TENM2: variants seen among roughly 807,000 people sequenced by gnomAD.
The protein encoded by TENM2 is teneurin-2.
A neutral mutation model predicts 245.2 loss-of-function variants in TENM2; 52 were observed. The ratio of observed to expected loss-of-function variants is 0.21; its 90% CI spans 0.17 to 0.27. TENM2 has a LOEUF of 0.27. Ranked by LOEUF, TENM2 falls within the 10% of genes least tolerant of loss-of-function variation. The probability of loss-of-function intolerance (pLI) is 1.00; values close to 1 mark genes in which losing one functional copy is unlikely to be tolerated. For missense variants in TENM2, 3,046 were observed against 3,666.8 expected (o/e 0.83, Z 4.37); for synonymous variants, 1,363 against 1,438.9 (o/e 0.95, Z 1.19).
intron 2 of TENM2, among the ~76,000 whole-genome samples, chr5:167,545,931 A>G (rs1772535089): frequency 6.6e-6 from 1 of 152,238 alleles, no homozygotes; most frequent in African/African-American, 2.4e-5. Context: ...ATCGTATAGA[A>G]TGCATTTCAA....
At chr5:167,895,322 TA>T (rs1775133348) in intron 3 of TENM2, among the ~76,000 whole-genome samples, 1 of 152,144 alleles carries the variant, frequency 6.6e-6, no homozygotes, top group South Asian at 2.1e-4. Flanking sequence ...AACAATAAAG[TA>T]GGAACCACCA....
chr5:167,837,305 A>G (rs986687351), intron 2 of TENM2, among the ~76,000 whole-genome samples: 3 of 152,092 alleles, frequency 2.0e-5, no homozygotes, highest in African/African-American at 7.2e-5. Flanking sequence ...TTTTGTATAC[A>G]TCACTGATAA....
chr5:167,307,405 G>A (rs1420173769), intron 1 of TENM2, among the ~76,000 whole-genome samples: 1 of 152,122 alleles, frequency 6.6e-6, no homozygotes, highest in Non-Finnish European at 1.5e-5. Flanking sequence ...TAAAGGGAGG[G>A]ATACAAATGG....
intron 2 of TENM2, among the ~76,000 whole-genome samples, chr5:167,456,127 C>A: frequency 6.6e-6 from 1 of 152,066 alleles, no homozygotes; most frequent in Non-Finnish European, 1.5e-5. Context: ...GAGGTGTTCA[C>A]TCTTGGTTAA....
chr5:167,477,506 T>C (rs1187182301), intron 2 of TENM2, among the ~76,000 whole-genome samples: 1 of 152,208 alleles, frequency 6.6e-6, no homozygotes, highest in Non-Finnish European at 1.5e-5. Context: ...AGTATTTGTA[T>C]GTAATAATAA....
At chr5:168,032,561 C>T (rs1023478467) in intron 5 of TENM2, among the ~76,000 whole-genome samples, 8 of 152,092 alleles carry the variant, frequency 5.3e-5, no homozygotes, top group African/African-American at 7.2e-5. Flanking sequence ...AACCTCAAAG[C>T]GAGAAGGACC....
chr5:167,461,514 C>A (rs779171977), intron 2 of TENM2, among the ~76,000 whole-genome samples: 4 of 152,124 alleles, frequency 2.6e-5, no homozygotes, highest in Non-Finnish European at 5.9e-5. Flanking sequence ...GTGATGCCAA[C>A]GTGCTGGTTA....
chr5:167,821,206 A>T (rs540807986), intron 2 of TENM2: 2 of 152,326 alleles, frequency 1.3e-5, no homozygotes, highest in South Asian at 4.1e-4. Flanking sequence ...TGATTAAGGC[A>T]TTTGGGGTCT....
At chr5:167,866,548 T>C (rs899621451) in intron 2 of TENM2, among the ~76,000 whole-genome samples, 13 of 149,972 alleles carry the variant, frequency 8.7e-5, no homozygotes, top group Middle Eastern at 3.6e-3. Flanking sequence ...GCACCTTCCA[T>C]GCACGGAGAG....
At chr5:168,122,704 G>A (rs572733909) in intron 10 of TENM2, among the ~76,000 whole-genome samples, 15 of 152,068 alleles carry the variant, frequency 9.9e-5, no homozygotes, top group Non-Finnish European at 1.8e-4. Context: ...CTTTGGGGGA[G>A]TGTACCCCTG....
intron 2 of TENM2, among the ~76,000 whole-genome samples, chr5:167,391,861 G>A (rs1761779933): frequency 6.6e-6 from 1 of 152,066 alleles, no homozygotes; most frequent in South Asian, 2.1e-4. Flanking sequence ...AGAATCAGCA[G>A]CATAGGAGTG....
At chr5:167,426,032 C>T (rs1381136696) in intron 2 of TENM2, among the ~76,000 whole-genome samples, 5 of 151,936 alleles carry the variant, frequency 3.3e-5, no homozygotes. Flanking sequence ...CATAACCTGC[C>T]ACCCTCCTCA....
chr5:168,151,437 G>A (rs148419090), intron 12 of TENM2, among the ~76,000 whole-genome samples: 1 of 152,298 alleles, frequency 6.6e-6, no homozygotes, highest in Non-Finnish European at 1.5e-5. Context: ...CATCATTGGA[G>A]GACACTTTTA....
At chr5:167,092,893 G>A in the TENM2 span, among the ~76,000 whole-genome samples, 21 of 152,254 alleles carry the variant, frequency 1.4e-4, no homozygotes, top group Non-Finnish European at 2.5e-4. Context: ...CCTTTAATTC[G>A]AGGGTGAAGA....
intron 2 of TENM2, among the ~76,000 whole-genome samples, chr5:167,531,481 A>G (rs529414959): frequency 1.3e-5 from 2 of 151,286 alleles, no homozygotes; most frequent in African/African-American, 4.9e-5. Context: ...CTTCACACTT[A>G]TCTTTTTTTT....
chr5:168,154,038 C>T (rs1756890829), intron 12 of TENM2, among the ~76,000 whole-genome samples: 1 of 150,292 alleles, frequency 6.7e-6, no homozygotes, highest in Non-Finnish European at 1.5e-5. Context: ...CGGGTGATAA[C>T]AATTCAGTCA....
the TENM2 span, among the ~76,000 whole-genome samples, chr5:167,091,451 A>G: frequency 6.6e-6 from 1 of 152,216 alleles, no homozygotes; most frequent in Non-Finnish European, 1.5e-5. Context: ...GTTTAACCTC[A>G]CAATGGCATT....
chr5:168,157,287 T>C (rs944796739), intron 12 of TENM2, among the ~76,000 whole-genome samples: 5 of 151,994 alleles, frequency 3.3e-5, no homozygotes, highest in African/African-American at 1.2e-4. Context: ...GATATTGAGA[T>C]AGGCTGATGT....
the TENM2 span, among the ~76,000 whole-genome samples, chr5:167,213,085 A>G: frequency 2.0e-5 from 3 of 152,212 alleles, no homozygotes; most frequent in Admixed American, 2.0e-4. Context: ...CACCAGCTAA[A>G]CTAGTTTACT....
Sources: allele counts gnomAD v4.1 joint callset (sites outside exome capture counted in the v4.1 genomes callset), GRCh38; gene constraint gnomAD v4.1.1; transcripts MANE v1.5; gene names NCBI Gene and HGNC (gene_info 2026-07-23, HGNC 2026-07-21).